Variants in ZNF503 observed in about 807,000 individuals in gnomAD.
ZNF503 encodes the protein NocA-like zinc finger 2.
Under a neutral mutation model 34.4 loss-of-function variants are expected in ZNF503, and 15 were observed. The ratio of observed to expected loss-of-function variants is 0.44; its 90% CI spans 0.29 to 0.67. The LOEUF (loss-of-function observed/expected upper bound fraction) is 0.67, where lower values mean the gene tolerates loss of function less well. ZNF503 is among the 30% of genes least tolerant of loss of function. The pLI, the probability that ZNF503 is intolerant of heterozygous loss-of-function variation, is 0.13. For missense variants in ZNF503, 1,007 were observed against 926.8 expected, an observed-to-expected ratio of 1.09 and a Z score of -1.12; for synonymous variants, 580 against 456.8, an observed-to-expected ratio of 1.27 and a Z score of -3.44.
the ZNF503 span, among the ~76,000 whole-genome samples, chr10:75,351,144 C>T: frequency 7.5e-6 from 1 of 133,040 alleles, no homozygotes; most frequent in Non-Finnish European, 1.7e-5. Context: ...AGAAGTCAGC[C>T]TAATGTTAAA....
the ZNF503 span, among the ~76,000 whole-genome samples, chr10:75,354,982 G>A: frequency 2.6e-5 from 4 of 152,132 alleles, no homozygotes; most frequent in Non-Finnish European, 4.4e-5. Flanking sequence ...GGGACTACAG[G>A]CATGTGCCAC....
the ZNF503 span, among the ~76,000 whole-genome samples, chr10:75,379,310 T>C: frequency 6.6e-6 from 1 of 152,184 alleles, no homozygotes; most frequent in Non-Finnish European, 1.5e-5. Context: ...GATGGTTTAG[T>C]GTTGATGAAT....
the ZNF503 span, among the ~76,000 whole-genome samples, chr10:75,286,094 C>A: frequency 6.6e-6 from 1 of 152,018 alleles, no homozygotes; most frequent in Admixed American, 6.6e-5. Context: ...ACCAGCCCGG[C>A]CAACATGGTG....
At chr10:75,351,310 T>G in the ZNF503 span, among the ~76,000 whole-genome samples, 2 of 152,180 alleles carry the variant, frequency 1.3e-5, no homozygotes, top group Admixed American at 1.3e-4. Context: ...TAGCTGGGAT[T>G]ACAGGCATGC....
At chr10:75,356,946 G>GT in the ZNF503 span, among the ~76,000 whole-genome samples, 2 of 152,110 alleles carry the variant, frequency 1.3e-5, no homozygotes, top group East Asian at 1.9e-4. Flanking sequence ...AAAACAAGTT[G>GT]TTTTTTTATT....
chr10:75,400,243 GCCGCCGGCA>G lies in ZNF503; in HGVS notation c.438_446del (p.Ala147_Gly149del), dbSNP rs1564760608. 1 of 1,611,514 alleles carries G rather than the reference GCCGCCGGCA, an allele frequency of 6.2e-7. No individual in the cohort carries two copies. The highest frequency in any genetic ancestry group is 1.1e-5 in the South Asian group (1 of 90,824). ...TGGTGTCCTTGTCGCCCGCAGCACCGCCGCCGGCACCGCCCGCGCCGCCCCCGTTGGAGG... is the reference window on the plus strand; with the variant it reads ...TGGTGTCCTTGTCGCCCGCAGCACCGCCGCCCGCGCCGCCCCCGTTGGAGG... On this transcript the variant is annotated inframe_deletion, in exon 2 of 2. Coordinates refer to ENST00000372524, the MANE Select transcript of ZNF503 (RefSeq NM_032772.6).
chr10:75,334,723 G>A, the ZNF503 span, among the ~76,000 whole-genome samples: 1 of 152,190 alleles, frequency 6.6e-6, no homozygotes, highest in African/African-American at 2.4e-5. Flanking sequence ...ATGCTTGCTA[G>A]GTTCCTTTGC....
chr10:75,387,233 C>A, the ZNF503 span, among the ~76,000 whole-genome samples: 1 of 152,202 alleles, frequency 6.6e-6, no homozygotes, highest in African/African-American at 2.4e-5. Context: ...GGGGAAGGAG[C>A]AGCTGTGAAC....
the ZNF503 span, among the ~76,000 whole-genome samples, chr10:75,366,133 G>C: frequency 0.55 from 83,783 of 152,112 alleles, 23,557 homozygotes; most frequent in South Asian, 0.64. Context: ...CCCCCCAAAA[G>C]ATTTTGATCA....
chr10:75,351,089 A>G, the ZNF503 span, among the ~76,000 whole-genome samples: 1 of 151,960 alleles, frequency 6.6e-6, no homozygotes. Context: ...AATGATCATG[A>G]TGATGGGGAT....
At chr10:75,313,903 C>G in the ZNF503 span, among the ~76,000 whole-genome samples, 1 of 152,142 alleles carries the variant, frequency 6.6e-6, no homozygotes, top group African/African-American at 2.4e-5. Flanking sequence ...TTTTGCCACT[C>G]CTAAGAGGGA....
Position 75,399,876 on chromosome 10 carries a change from C to T in ZNF503, c.814G>A (p.Ala272Thr). The change falls in exon 2 of 2, where the codon GCC (alanine) becomes ACC (threonine). Residue 272 changes from alanine (A) to threonine (T), a missense_variant. Coordinates refer to ENST00000372524, the MANE Select transcript of ZNF503 (RefSeq NM_032772.6). ...GGGKGTGGAS[A>T]EGGPTGLAHG... is the part of the protein sequence containing the mutation. ...GCCAGCCCCGTGGGTCCCCCTTCGG[C>T]CGAGGCGCCCCCGGTGCCCTTGCCA... is the stretch of plus-strand genomic sequence containing the variant. 1 of 1,599,808 alleles carries T rather than the reference C, an allele frequency of 6.3e-7. No individual in the cohort carries two copies.
Position 75,399,470 on chromosome 10 carries a change from G to C in ZNF503, c.1220C>G (p.Pro407Arg). ...TCCGGCCAAAGGGCTGGAGCCGGCCGGCTTACTGCAGCCCAGAGACCCGGC... is the reference window on the plus strand; with the variant it reads ...TCCGGCCAAAGGGCTGGAGCCGGCCCGCTTACTGCAGCCCAGAGACCCGGC... Reference protein sequence around the residue: ...AAAGSLGCSKPAGSSPLAGAS... With the variant: ...AAAGSLGCSKRAGSSPLAGAS... Residue 407 changes from proline (P) to arginine (R), a missense_variant, in exon 2 of 2, where the codon CCG (proline) becomes CGG (arginine). Physicochemically the swap from Pro to Arg is moderately radical, Grantham distance 103. Transcript: ENST00000372524. 1 of 1,581,860 alleles carries C rather than the reference G, an allele frequency of 6.3e-7. No homozygotes were observed. The highest frequency in any genetic ancestry group is 2.3e-5 in the East Asian group (1 of 43,732).
At chr10:75,286,459 G>A in the ZNF503 span, among the ~76,000 whole-genome samples, 3 of 152,156 alleles carry the variant, frequency 2.0e-5, no homozygotes, top group Admixed American at 6.5e-5. Flanking sequence ...TCATGTTCCC[G>A]TGGCTTCCTC....
chr10:75,286,927 T>A, the ZNF503 span, among the ~76,000 whole-genome samples: 2 of 152,282 alleles, frequency 1.3e-5, no homozygotes, highest in South Asian at 4.1e-4. Flanking sequence ...CTATTGCAAA[T>A]CTTTTTGTGT....
chr10:75,302,400 T>G, the ZNF503 span, among the ~76,000 whole-genome samples: 2 of 152,184 alleles, frequency 1.3e-5, no homozygotes, highest in Admixed American at 6.5e-5. Context: ...TGTGTAAAGT[T>G]ATATTTGGGA....
chr10:75,395,452 C>T (rs976593537), downstream of ZNF503, among the ~76,000 whole-genome samples: 2 of 152,100 alleles, frequency 1.3e-5, no homozygotes, highest in African/African-American at 4.8e-5. The surrounding 1 kb of genome is among the most constrained non-coding windows in gnomAD (Gnocchi z 4.4). Context: ...GGCCGGGGTT[C>T]CAGGACTCCT....
chr10:75,377,466 G>A, the ZNF503 span, among the ~76,000 whole-genome samples: 1 of 152,144 alleles, frequency 6.6e-6, no homozygotes, highest in African/African-American at 2.4e-5. Flanking sequence ...AGTTTTTCAG[G>A]GTCCCATTCT....
the ZNF503 span, among the ~76,000 whole-genome samples, chr10:75,376,979 A>G: frequency 5.3e-5 from 8 of 152,326 alleles, no homozygotes; most frequent in South Asian, 1.7e-3. Context: ...GTGGGGATAC[A>G]GAGCCAAACT....
Sources: gnomAD v4.1 joint callset for allele counts (sites outside exome capture counted in the v4.1 genomes callset) on GRCh38, gnomAD v4.1.1 for gene constraint, Gnocchi (gnomAD v3.1) non-coding constraint, MANE v1.5 for transcripts, NCBI Gene and HGNC (gene_info 2026-07-23, HGNC 2026-07-21) for gene names.